Variants in NOX4 observed in about 807,000 individuals in gnomAD.
NOX4 encodes the protein NADPH oxidase 4.
A neutral mutation model predicts 87.6 loss-of-function variants in NOX4; 69 were observed. That is an observed-to-expected ratio of 0.79 (90% CI 0.65 to 0.96). The LOEUF (loss-of-function observed/expected upper bound fraction) is 0.96, where lower values mean the gene tolerates loss of function less well. Ranked by LOEUF, NOX4 falls within the 40% of genes least tolerant of loss-of-function variation. The probability of loss-of-function intolerance (pLI) is 0.00; values close to 1 mark genes in which losing one functional copy is unlikely to be tolerated. For synonymous variants in NOX4, 275 were observed against 238.2 expected, an observed-to-expected ratio of 1.15 and a Z score of -1.42; for missense variants, 680 against 681.5, an observed-to-expected ratio of 1.00 and a Z score of 0.02.
intron 12 of NOX4, among the ~76,000 whole-genome samples, chr11:89,359,990 C>T: frequency 6.6e-6 from 1 of 151,750 alleles, no homozygotes; most frequent in Non-Finnish European, 1.5e-5. Context: ...AAACGAAATC[C>T]TTAAGGGACA....
chr11:89,569,299 C>T, the NOX4 span, among the ~76,000 whole-genome samples: 1 of 151,814 alleles, frequency 6.6e-6, no homozygotes, highest in African/African-American at 2.4e-5. Context: ...AAAATATTTG[C>T]AAACTATGCA....
intron 7 of NOX4, among the ~76,000 whole-genome samples, chr11:89,429,575 T>C (rs999800838): frequency 2.6e-5 from 4 of 152,038 alleles, no homozygotes; most frequent in South Asian, 4.1e-4. Flanking sequence ...GAGAATACTA[T>C]AAACACCTCT....
chr11:89,486,243 T>C (rs958771154), intron 2 of NOX4, among the ~76,000 whole-genome samples: 1 of 130,692 alleles, frequency 7.7e-6, no homozygotes, highest in Non-Finnish European at 1.8e-5. Context: ...GAGATTTTTA[T>C]AGTTCTATAC....
At chr11:89,341,742 A>G (rs1172670493) in intron 14 of NOX4, among the ~76,000 whole-genome samples, 4 of 152,168 alleles carry the variant, frequency 2.6e-5, no homozygotes, top group African/African-American at 9.7e-5. Flanking sequence ...ATGGGTGTTC[A>G]AAAATATTTG....
chr11:89,522,101 C>G, the NOX4 span, among the ~76,000 whole-genome samples: 1 of 152,128 alleles, frequency 6.6e-6, no homozygotes, highest in Non-Finnish European at 1.5e-5. Context: ...TTCAGCCACT[C>G]TGGAAAGCAG....
the NOX4 span, among the ~76,000 whole-genome samples, chr11:89,566,287 CG>C: frequency 5.3e-5 from 8 of 152,104 alleles, no homozygotes; most frequent in East Asian, 3.9e-4. Context: ...TTGTGCTCCC[CG>C]CCCTTTGCCT....
rs532729038 is a variant in NOX4, at chr11:89,390,156, A to T, written c.1074+9861T>A. 5.4e-4 allele frequency among the ~76,000 whole-genome samples: 82 copies of T among 152,326 alleles called. 1 individual carries two copies. The highest frequency in any genetic ancestry group is 5.4e-3 in the Admixed American group (82 of 15,286). On this transcript the variant is annotated intron_variant, in intron 11 of 17. Transcript: ENST00000263317. ...CTAAGTGCCAAATAGAAGTAATTGG[A>T]CAGAGAAGGAAATGGCAGGAAGAGA...
intron 12 of NOX4, among the ~76,000 whole-genome samples, chr11:89,359,508 C>T (rs1488971736): frequency 2.7e-5 from 4 of 150,458 alleles, no homozygotes; most frequent in Non-Finnish European, 4.4e-5. Flanking sequence ...AAAATAAAAC[C>T]TCTTACCACT....
the NOX4 span, among the ~76,000 whole-genome samples, chr11:89,552,576 T>C: frequency 6.6e-6 from 1 of 152,184 alleles, no homozygotes; most frequent in South Asian, 2.1e-4. Flanking sequence ...GAAAGAACAC[T>C]TCCTCAGTTA....
the NOX4 span, among the ~76,000 whole-genome samples, chr11:89,542,564 A>C: frequency 1.9e-4 from 29 of 152,302 alleles, no homozygotes; most frequent in African/African-American, 6.7e-4. Context: ...CCGGAATACA[A>C]ATCCTGTTCC....
At chr11:89,504,432 T>C in the NOX4 span, among the ~76,000 whole-genome samples, 1 of 151,954 alleles carries the variant, frequency 6.6e-6, no homozygotes, top group Non-Finnish European at 1.5e-5. Context: ...AAAACATCAC[T>C]CTGTCATGGA....
chr11:89,493,028 T>C (rs960577125), upstream of NOX4, among the ~76,000 whole-genome samples: 1 of 152,224 alleles, frequency 6.6e-6, no homozygotes, highest in African/African-American at 2.4e-5. Context: ...CTACTTCATA[T>C]ACAAAATCTC....
chr11:89,366,700 G>GAAAAA (rs11314993), intron 12 of NOX4, among the ~76,000 whole-genome samples: 10 of 113,102 alleles, frequency 8.8e-5, no homozygotes, highest in Non-Finnish European at 1.2e-4. Flanking sequence ...AAACTGAAAA[G>GAAAAA]AAAAAAAAAA....
At chr11:89,339,967 T>A in intron 15 of NOX4, 96 bp downstream of exon 15, 1 of 607,736 alleles carries the variant, frequency 1.6e-6, no homozygotes, top group East Asian at 3.0e-5. Context: ...ATTTCTATGG[T>A]TTATTCTATG....
At chr11:89,445,114 AT>A (rs1944636539) in intron 4 of NOX4, among the ~76,000 whole-genome samples, 1 of 152,134 alleles carries the variant, frequency 6.6e-6, no homozygotes, top group Non-Finnish European at 1.5e-5. Context: ...TCTTGGCCAT[AT>A]TATTTGCCTT....
rs552820924 is a variant in NOX4 at position 89,357,370 on chromosome 11, T to A, written c.1136-2327A>T. Among the ~76,000 whole-genome samples the A allele has an allele frequency of 4.1e-4, 63 of 152,294 alleles. 1 individual carries two copies. Among genetic ancestry groups the A allele is most frequent in the African/African-American group, 1.3e-3 (56 of 41,570 alleles). ...ATTATACTCTTTTAGTTCACATTTT[T>A]AAATATTATATTATTGGCTGATATT... On this transcript the variant is annotated intron_variant, in intron 12 of 17. Coordinates refer to ENST00000263317, the MANE Select transcript of NOX4 (RefSeq NM_016931.5).
chr11:89,332,186 C>T (rs559671767), intron 17 of NOX4, among the ~76,000 whole-genome samples: 59 of 141,858 alleles, frequency 4.2e-4, no homozygotes, highest in East Asian at 3.2e-3. Context: ...CTTATTCACT[C>T]GTTGTATTAC....
intron 2 of NOX4, among the ~76,000 whole-genome samples, chr11:89,475,661 TAGGAC>T (rs906773035): frequency 1.3e-5 from 2 of 151,980 alleles, no homozygotes; most frequent in Non-Finnish European, 2.9e-5. Context: ...TGGAACGGGA[TAGGAC>T]AGGACAGGAC....
chr11:89,491,371 T>C lies in NOX4; in HGVS notation c.-125A>G, dbSNP rs1272483973. On this transcript the variant is annotated 5_prime_UTR_variant, in exon 1 of 18. Transcript: ENST00000263317. The stretch of plus-strand genomic sequence containing the variant: ...TGAGCGAGGACCGAGGGTCAAAGAC[T>C]GAGTGGAAGCCCGAAGGCCCGGCGC... 1.1e-6 allele frequency: 1 copy of C among 871,062 alleles called. No homozygotes were observed. Among genetic ancestry groups the C allele is most frequent in the East Asian group, 3.0e-5 (1 of 33,582 alleles). 54.0% of individuals were successfully genotyped at this position (871,062 alleles called of 1,614,324 possible). A position where few individuals can be genotyped will look rare whatever the true frequency, so the allele number is the denominator to read the frequency against.
Sources: gnomAD v4.1 joint callset for allele counts (sites outside exome capture counted in the v4.1 genomes callset) on GRCh38, gnomAD v4.1.1 for gene constraint, MANE v1.5 for transcripts, NCBI Gene and HGNC (gene_info 2026-07-23, HGNC 2026-07-21) for gene names.